The following NDC1 variants were observed in gnomAD, a reference collection of about 807,000 sequenced individuals.
NDC1 encodes the protein nucleoporin NDC1.
A neutral mutation model predicts 89.8 loss-of-function variants in NDC1; 24 were observed. That is an observed-to-expected ratio of 0.27 (90% CI 0.19 to 0.38). The LOEUF (loss-of-function observed/expected upper bound fraction) is 0.38, where lower values mean the gene tolerates loss of function less well. Ranked by LOEUF, NDC1 falls within the 10% of genes least tolerant of loss-of-function variation. NDC1 has a pLI of 1.00. For missense variants in NDC1, 728 were observed against 797.6 expected, an observed-to-expected ratio of 0.91 and a Z score of 1.05; for synonymous variants, 296 against 284.8, an observed-to-expected ratio of 1.04 and a Z score of -0.39.
At chr1:53,829,231 A>C (rs568828088) in intron 3 of NDC1, among the ~76,000 whole-genome samples, 1 of 152,308 alleles carries the variant, frequency 6.6e-6, no homozygotes, top group South Asian at 2.1e-4. Flanking sequence ...TTAAGTATGA[A>C]GGGACAAGTT....
At chr1:53,815,184 A>ATT (rs1648437419) in intron 6 of NDC1, among the ~76,000 whole-genome samples, 1 of 152,212 alleles carries the variant, frequency 6.6e-6, no homozygotes, top group Non-Finnish European at 1.5e-5. Flanking sequence ...CTTGATGAAT[A>ATT]TTGATGCTAA....
At chr1:53,798,138 T>A (rs532729262) in intron 11 of NDC1, among the ~76,000 whole-genome samples, 24 of 133,012 alleles carry the variant, frequency 1.8e-4, no homozygotes, top group Admixed American at 1.3e-3. Context: ...CCATCTTCTT[T>A]TTATTATTAT....
intron 1 of NDC1, 91 bp downstream of exon 1, chr1:53,838,114 G>A: frequency 1.6e-6 from 2 of 1,214,974 alleles, no homozygotes; most frequent in Non-Finnish European, 1.1e-6. Flanking sequence ...CCCCGGGACC[G>A]GCCCTCCCCC....
chr1:53,783,785 G>T lies in NDC1; in HGVS notation c.1800+3373C>A, dbSNP rs149427944. On this transcript the variant is annotated intron_variant, in intron 16 of 17. Coordinates refer to ENST00000371429, the MANE Select transcript of NDC1 (RefSeq NM_018087.5). ...CTGCCATGTTATGATTCCGCAAGAAGGCCCTTACCAGATGCAGCCCCTTAA... is the reference window on the plus strand; with the variant it reads ...CTGCCATGTTATGATTCCGCAAGAATGCCCTTACCAGATGCAGCCCCTTAA... Among the ~76,000 whole-genome samples, 185 of 152,256 alleles carry T rather than the reference G, an allele frequency of 1.2e-3. 1 individual carries two copies. The highest frequency in any genetic ancestry group is 4.2e-3 in the African/African-American group (173 of 41,544).
intron 3 of NDC1, among the ~76,000 whole-genome samples, chr1:53,829,097 A>G (rs1043202291): frequency 3.9e-5 from 6 of 152,200 alleles, no homozygotes; most frequent in African/African-American, 1.4e-4. Context: ...TAGGGAGGCA[A>G]CTATGGGTAG....
intron 14 of NDC1, among the ~76,000 whole-genome samples, chr1:53,792,747 T>C (rs929223068): frequency 6.6e-6 from 1 of 152,242 alleles, no homozygotes; most frequent in African/African-American, 2.4e-5. Flanking sequence ...TACTCTCCTG[T>C]GGCAGCTGGA....
At chr1:53,823,117 T>C (rs1366096721) in intron 5 of NDC1, among the ~76,000 whole-genome samples, 4 of 152,072 alleles carry the variant, frequency 2.6e-5, no homozygotes, top group African/African-American at 9.7e-5. Context: ...GAAACTATGG[T>C]TCTGGGCACC....
intron 2 of NDC1, among the ~76,000 whole-genome samples, chr1:53,833,915 C>T (rs1272881112): frequency 6.6e-6 from 1 of 151,834 alleles, no homozygotes; most frequent in African/African-American, 2.4e-5. Flanking sequence ...AGCCTCCACC[C>T]CCCACTCCCC....
chr1:53,837,712 A>G (rs1649282912), intron 1 of NDC1, among the ~76,000 whole-genome samples: 1 of 152,220 alleles, frequency 6.6e-6, no homozygotes, highest in East Asian at 1.9e-4. Context: ...GAAGCGATGT[A>G]GTACTGTTAA....
rs192708085 is a variant in NDC1, at chr1:53,787,312, T to G, written c.1700-54A>C. Reference sequence around the variant, plus strand: ...GTCAATCAAAATTAGGCAAAACTATTTGAAATACATCTATTTTAGGAAGGA... The same window carrying G: ...GTCAATCAAAATTAGGCAAAACTATGTGAAATACATCTATTTTAGGAAGGA... On this transcript the variant is annotated intron_variant, in intron 15 of 17. Coordinates refer to ENST00000371429, the MANE Select transcript of NDC1 (RefSeq NM_018087.5). 1,226 of 937,544 alleles carry G rather than the reference T, an allele frequency of 1.3e-3. 5 individuals carry two copies. Among genetic ancestry groups the G allele is most frequent in the Middle Eastern group, 3.9e-3 (14 of 3,630 alleles). 58.1% of individuals were successfully genotyped at this position (937,544 alleles called of 1,614,324 possible). A position where few individuals can be genotyped will look rare whatever the true frequency, so the allele number is the denominator to read the frequency against.
intron 6 of NDC1, among the ~76,000 whole-genome samples, chr1:53,815,045 C>T (rs990149593): frequency 1.3e-5 from 2 of 152,094 alleles, no homozygotes; most frequent in African/African-American, 4.8e-5. Flanking sequence ...GAATTAGTAC[C>T]AATCCTTTTG....
At chr1:53,806,055 C>G (rs182922509) in intron 9 of NDC1, among the ~76,000 whole-genome samples, 103 of 151,366 alleles carry the variant, frequency 6.8e-4, no homozygotes, top group Non-Finnish European at 1.3e-3. Flanking sequence ...GCCTGGGCGA[C>G]AGAGCGAGAC....
At chr1:53,792,627 C>A (rs929554483) in intron 14 of NDC1, among the ~76,000 whole-genome samples, 1 of 152,172 alleles carries the variant, frequency 6.6e-6, no homozygotes, top group African/African-American at 2.4e-5. Context: ...AACAAAAATT[C>A]TTTCCCCTAC....
intron 16 of NDC1, among the ~76,000 whole-genome samples, chr1:53,781,149 C>A (rs576528090): frequency 4.1e-4 from 62 of 152,196 alleles, no homozygotes; most frequent in African/African-American, 1.5e-3. Flanking sequence ...AGCCAACGCA[C>A]TTAGCCAAAA....
intron 8 of NDC1, 128 bp from the exon 9 acceptor site, chr1:53,806,645 A>C (rs957634890): frequency 1.9e-5 from 9 of 471,344 alleles, no homozygotes; most frequent in African/African-American, 4.0e-5. Context: ...TTGCAAAGAC[A>C]GGTTAAAGTT....
At chr1:53,775,144 C>G (rs1225256660) in intron 16 of NDC1, among the ~76,000 whole-genome samples, 2 of 152,204 alleles carry the variant, frequency 1.3e-5, no homozygotes, top group African/African-American at 4.8e-5. Flanking sequence ...GGTTCTTTTT[C>G]TTGCATTTGC....
intron 16 of NDC1, among the ~76,000 whole-genome samples, chr1:53,784,716 G>A (rs1026825848): frequency 1.3e-5 from 2 of 151,904 alleles, no homozygotes; most frequent in Admixed American, 1.3e-4. Flanking sequence ...GTGTGAACCC[G>A]GGAGGCACAG....
At chr1:53,809,642 C>T in intron 7 of NDC1, 53 bp downstream of exon 7, 2 of 1,300,964 alleles carry the variant, frequency 1.5e-6, no homozygotes, top group South Asian at 1.3e-5. Flanking sequence ...AAATAGCAAA[C>T]ATCTAAAAGA....
rs903222688 is a variant in NDC1 at position 53,792,102 on chromosome 1, C to T, written c.1635+1127G>A. 9.9e-5 allele frequency among the ~76,000 whole-genome samples: 15 copies of T among 151,916 alleles called. No homozygotes were observed. The South Asian group carries it at 2.5e-3, about 25-fold the overall frequency. On this transcript the variant is annotated intron_variant, in intron 14 of 17. Coordinates refer to ENST00000371429, the MANE Select transcript of NDC1 (RefSeq NM_018087.5). ...GGACCACAGGCGCCCACCACTGCGC[C>T]TGGCTAATTTTTTGTATTTTTAGTA...
Sources: allele counts gnomAD v4.1 joint callset (sites outside exome capture counted in the v4.1 genomes callset), GRCh38; gene constraint gnomAD v4.1.1; transcripts MANE v1.5; gene names NCBI Gene and HGNC (gene_info 2026-07-23, HGNC 2026-07-21).